Variants in TENM1 observed in about 807,000 individuals in gnomAD.
The protein encoded by TENM1 is teneurin-1.
Under a neutral mutation model 174.8 loss-of-function variants are expected in TENM1, and 35 were observed. The ratio of observed to expected loss-of-function variants is 0.20; its 90% CI spans 0.15 to 0.27. The LOEUF is 0.27. TENM1 is among the 10% of genes least tolerant of loss of function. TENM1 has a pLI of 1.00. For missense variants in TENM1, 1,633 were observed against 2,130.1 expected (o/e 0.77, Z 4.59); for synonymous variants, 781 against 798.7 (o/e 0.98, Z 0.37).
chrX:124,839,431 T>G (rs963379143), intron 3 of TENM1, among the ~76,000 whole-genome samples: 2 of 111,740 alleles, frequency 1.8e-5, no homozygotes, highest in African/African-American at 6.5e-5. Context: ...AATGTTAATA[T>G]GAGTTTAATA....
At chrX:124,984,662 A>C in the TENM1 span, among the ~76,000 whole-genome samples, 572 of 111,753 alleles carry the variant, frequency 5.1e-3, 7 homozygotes, top group Non-Finnish European at 6.5e-3. Flanking sequence ...CTGTGGATTT[A>C]ACATTAAGTG....
At chrX:124,762,504 C>T (rs985647154) in intron 3 of TENM1, among the ~76,000 whole-genome samples, 3 of 111,620 alleles carry the variant, frequency 2.7e-5, no homozygotes, top group African/African-American at 9.8e-5. Flanking sequence ...AGCTAACATG[C>T]CTTTAAAATT....
chrX:124,546,922 C>A (rs2048444586), exon 15 of TENM1: 1 of 1,209,631 alleles, frequency 8.3e-7, no homozygotes, highest in Non-Finnish European at 1.1e-6. Context: ...ACTGTCCTTG[C>A]CAATGAGGAA....
At chrX:124,621,379 A>AC (rs1252189277) in intron 11 of TENM1, among the ~76,000 whole-genome samples, 2 of 111,337 alleles carry the variant, frequency 1.8e-5, no homozygotes, top group East Asian at 5.6e-4. Context: ...AGGCCGAGGC[A>AC]CAAGAATCGC....
At chrX:124,497,109 G>A (rs1212920467) in exon 20 of TENM1, 2 of 1,208,479 alleles carry the variant, frequency 1.7e-6, no homozygotes, top group Non-Finnish European at 1.1e-6. Context: ...AGGGCCAGAA[G>A]CTAAGGCGAC....
chrX:125,064,400 A>T, the TENM1 span, among the ~76,000 whole-genome samples: 5 of 111,248 alleles, frequency 4.5e-5, no homozygotes, highest in Non-Finnish European at 7.6e-5. Flanking sequence ...TATTGAAGCA[A>T]GAAAAAAACA....
chrX:124,841,393 C>T (rs1313342787), intron 3 of TENM1, among the ~76,000 whole-genome samples: 1 of 111,503 alleles, frequency 9.0e-6, no homozygotes, highest in Admixed American at 9.6e-5. Flanking sequence ...TAAATGAAAG[C>T]AAGGACTCCT....
the TENM1 span, among the ~76,000 whole-genome samples, chrX:125,084,643 A>G: frequency 1.8e-5 from 2 of 110,826 alleles, no homozygotes; most frequent in African/African-American, 6.6e-5. Flanking sequence ...GAGAGGTTAC[A>G]TTATTTGCCC....
chrX:124,583,814 G>C (rs1217403356), intron 11 of TENM1, among the ~76,000 whole-genome samples: 1 of 100,338 alleles, frequency 1.0e-5, no homozygotes, highest in Admixed American at 1.1e-4. Flanking sequence ...TGTGTAACTA[G>C]AATAACCAAT....
At chrX:124,701,599 T>C (rs575811082) in intron 5 of TENM1, among the ~76,000 whole-genome samples, 1 of 112,423 alleles carries the variant, frequency 8.9e-6, no homozygotes, top group South Asian at 3.7e-4. Context: ...AGATGAAGCA[T>C]AAGGACATAC....
At chrX:125,104,712 C>T in the TENM1 span, among the ~76,000 whole-genome samples, 1 of 110,102 alleles carries the variant, frequency 9.1e-6, no homozygotes, top group Non-Finnish European at 1.9e-5. Context: ...ATTACTTAAT[C>T]CAGAGCTACA....
the TENM1 span, among the ~76,000 whole-genome samples, chrX:125,151,574 A>G: frequency 8.9e-6 from 1 of 112,577 alleles, no homozygotes; most frequent in Non-Finnish European, 1.9e-5. Flanking sequence ...AGTATAGTAC[A>G]TACAAACAGT....
chrX:124,574,373 T>C (rs1360948029), intron 11 of TENM1, among the ~76,000 whole-genome samples: 1 of 111,638 alleles, frequency 9.0e-6, no homozygotes, highest in African/African-American at 3.2e-5. Context: ...TAGATGGTGA[T>C]CATATTTGGC....
chrX:124,820,335 C>G (rs373694516), intron 3 of TENM1, among the ~76,000 whole-genome samples: 2 of 111,293 alleles, frequency 1.8e-5, no homozygotes, highest in Admixed American at 9.6e-5. Flanking sequence ...GCCGCCCCCC[C>G]ACCACAGATC....
At chrX:124,675,601 C>CT (rs1291293702) in intron 5 of TENM1, among the ~76,000 whole-genome samples, 1 of 101,409 alleles carries the variant, frequency 9.9e-6, no homozygotes, top group Non-Finnish European at 2.0e-5. Context: ...AAACCAGGCA[C>CT]TGTTTTTTTT....
the TENM1 span, among the ~76,000 whole-genome samples, chrX:124,987,536 G>GA: frequency 1.8e-5 from 2 of 111,459 alleles, no homozygotes; most frequent in Admixed American, 1.9e-4. Context: ...GATAAGTAAA[G>GA]AAAAAATAAA....
intron 3 of TENM1, among the ~76,000 whole-genome samples, chrX:124,886,540 T>TAGAGAGAG (rs1241700826): frequency 2.8e-4 from 25 of 90,909 alleles, no homozygotes; most frequent in African/African-American, 1.1e-3. Flanking sequence ...TATATATATA[T>TAGAGAGAG]ATATATATAG....
chrX:124,567,461 A>T (rs1387915675), intron 11 of TENM1, among the ~76,000 whole-genome samples: 1 of 112,000 alleles, frequency 8.9e-6, no homozygotes, highest in Non-Finnish European at 1.9e-5. Flanking sequence ...ACTACATCTA[A>T]TATTGCTGAG....
At chrX:124,726,658 G>A (rs2053448699) in intron 4 of TENM1, among the ~76,000 whole-genome samples, 1 of 111,237 alleles carries the variant, frequency 9.0e-6, no homozygotes. Flanking sequence ...CACTGCATAT[G>A]TACATTTTGA....
Sources: allele counts gnomAD v4.1 joint callset (sites outside exome capture counted in the v4.1 genomes callset), GRCh38; gene constraint gnomAD v4.1.1; transcripts MANE v1.5; gene names NCBI Gene and HGNC (gene_info 2026-07-23, HGNC 2026-07-21).